USP34: variants seen among roughly 807,000 people sequenced by gnomAD.
USP34 encodes ubiquitin carboxyl-terminal hydrolase 34.
A neutral mutation model predicts 460.3 loss-of-function variants in USP34; 70 were observed. The ratio of observed to expected loss-of-function variants is 0.15; its 90% confidence interval spans 0.13 to 0.19. The LOEUF is 0.19. Ranked by LOEUF, USP34 falls within the 10% of genes least tolerant of loss-of-function variation. The probability of loss-of-function intolerance (pLI) is 1.00; values close to 1 mark genes in which losing one functional copy is unlikely to be tolerated. For missense variants in USP34, 3,985 were observed against 4,236.2 expected (o/e 0.94, Z 1.65); for synonymous variants, 1,647 against 1,405.3 (o/e 1.17, Z -3.85).
chr2:61,232,868 C>CCT lies in USP34; in HGVS notation c.7033-337_7033-336insAG, dbSNP rs1553354478. Among the ~76,000 whole-genome samples the CCT allele has an allele frequency of 1.3e-3, 152 of 120,412 alleles. 1 individual carries two copies. The highest frequency in any genetic ancestry group is 2.2e-3 in the Non-Finnish European group (131 of 58,244). The allele number at this position is 120,412 out of a possible 152,430, so 79.0% of individuals were successfully genotyped here. On this transcript the variant is annotated intron_variant, in intron 57 of 79. Transcript: ENST00000398571. ...TATATATATATATATATTCCCCCCC[C>CCT]CCTTTTTTTTTTTTTTTTTTGAGAC... is the stretch of plus-strand genomic sequence containing the variant.
intron 1 of USP34, among the ~76,000 whole-genome samples, chr2:61,469,225 T>C (rs1414600444): frequency 6.6e-6 from 1 of 152,038 alleles, no homozygotes. Context: ...AAAAAAGATA[T>C]TTAAAATCAC....
Position 61,204,492 on chromosome 2 carries a change from C to T in USP34, c.9259+5G>A. On this transcript the variant is annotated splice_donor_5th_base_variant and intron_variant, in intron 73 of 79. Transcript: ENST00000398571. The stretch of plus-strand genomic sequence containing the variant: ...ATTGAAGTACTGTGCTAGATAAATA[C>T]GTACTTGGTATATTACTGTGATGGT... The T allele has an allele frequency of 6.2e-7, 1 of 1,612,620 alleles. No individual in the cohort carries two copies. Among genetic ancestry groups the T allele is most frequent in the Non-Finnish European group, 8.5e-7 (1 of 1,178,714 alleles).
chr2:61,414,774 C>G (rs1694145937), intron 2 of USP34, among the ~76,000 whole-genome samples: 1 of 152,162 alleles, frequency 6.6e-6, no homozygotes, highest in Middle Eastern at 3.4e-3. Context: ...GTTTAAATAC[C>G]CTCTAGAGGT....
intron 72 of USP34, among the ~76,000 whole-genome samples, chr2:61,204,994 AC>A (rs1324120636): frequency 2.0e-5 from 3 of 152,064 alleles, no homozygotes; most frequent in African/African-American, 7.2e-5. Flanking sequence ...AGCTGAAACT[AC>A]CGGCATGCAC....
chr2:61,307,165 G>A (rs575640104), intron 27 of USP34, among the ~76,000 whole-genome samples: 1 of 152,194 alleles, frequency 6.6e-6, no homozygotes, highest in African/African-American at 2.4e-5. Context: ...GTCCTTTGTA[G>A]GGACATGGAT....
intron 32 of USP34, 55 bp from the exon 33 acceptor site, chr2:61,293,605 A>G (rs1689928504): frequency 2.3e-6 from 3 of 1,324,220 alleles, no homozygotes; most frequent in Non-Finnish European, 3.2e-6. Flanking sequence ...TAATGCAATA[A>G]TGCTTGTTGA....
intron 48 of USP34, among the ~76,000 whole-genome samples, chr2:61,254,723 A>C (rs1382119387): frequency 6.6e-6 from 1 of 152,206 alleles, no homozygotes; most frequent in Non-Finnish European, 1.5e-5. Flanking sequence ...TTGGAGGCTG[A>C]GGTGGGCGGA....
At chr2:61,194,753 C>T (rs565323479) in intron 75 of USP34, among the ~76,000 whole-genome samples, 3 of 152,254 alleles carry the variant, frequency 2.0e-5, no homozygotes, top group Admixed American at 6.5e-5. Flanking sequence ...GTCAGGAATT[C>T]GCAACCAGCC....
intron 14 of USP34, 104 bp downstream of exon 14, chr2:61,348,652 G>C (rs944176516): frequency 1.3e-5 from 19 of 1,463,666 alleles, no homozygotes; most frequent in Admixed American, 2.6e-5. Context: ...ACGTAAAGGA[G>C]AGGACAAGCC....
intron 1 of USP34, among the ~76,000 whole-genome samples, chr2:61,436,352 A>C (rs1022420087): frequency 1.3e-5 from 2 of 152,182 alleles, no homozygotes; most frequent in Non-Finnish European, 2.9e-5. Context: ...ACTAAAAGTG[A>C]AAGGACGGGA....
intron 1 of USP34, among the ~76,000 whole-genome samples, chr2:61,466,168 T>C (rs879281363): frequency 3.3e-5 from 5 of 152,170 alleles, no homozygotes; most frequent in Non-Finnish European, 7.3e-5. Context: ...CTCATGCCTA[T>C]AATCCCAGCA....
At chr2:61,327,026 C>G (rs1387556563) in intron 20 of USP34, among the ~76,000 whole-genome samples, 6 of 151,796 alleles carry the variant, frequency 4.0e-5, no homozygotes, top group Admixed American at 3.9e-4. Flanking sequence ...CCTCAGGTGA[C>G]CCACCCACCT....
chr2:61,223,009 A>G (rs372726264), intron 64 of USP34, 51 bp downstream of exon 64: 8 of 1,489,400 alleles, frequency 5.4e-6, no homozygotes, highest in Non-Finnish European at 7.4e-6. Flanking sequence ...ATTTCAGGGT[A>G]TTCTTTTTTA....
At chr2:61,405,646 GAAAC>G (rs1693849838) in intron 3 of USP34, 58 bp downstream of exon 3, 3 of 1,404,766 alleles carry the variant, frequency 2.1e-6, no homozygotes, top group African/African-American at 2.9e-5. Context: ...TTATCAGTAA[GAAAC>G]AGACTGCGAA....
At chr2:61,292,411 T>C (rs964982357) in intron 33 of USP34, among the ~76,000 whole-genome samples, 2 of 152,192 alleles carry the variant, frequency 1.3e-5, no homozygotes, top group Non-Finnish European at 2.9e-5. Context: ...ATATTGGCAA[T>C]AAAATGTTAC....
Position 61,375,768 on chromosome 2 carries a change from CAAAAAAAA to C in USP34, c.1076+2587_1076+2594del, listed in dbSNP as rs56304309. On this transcript the variant is annotated intron_variant, in intron 8 of 79. Transcript: ENST00000398571. ...TGGGTGACAGACCAAGACTCTGTCTCAAAAAAAAAAAAAAAAAAAAAAAAAAGTAGAAA... is the reference window on the plus strand; with the variant it reads ...TGGGTGACAGACCAAGACTCTGTCTCAAAAAAAAAAAAAAAAAAGTAGAAA... 5.2e-3 allele frequency among the ~76,000 whole-genome samples: 424 copies of C among 80,864 alleles called. 7 individuals are homozygous for C. Among genetic ancestry groups the C allele is most frequent in the African/African-American group, 0.011 (253 of 23,196 alleles). 53.0% of individuals were successfully genotyped at this position (80,864 alleles called of 152,430 possible).
chr2:61,417,719 C>T (rs1408300828), intron 2 of USP34, among the ~76,000 whole-genome samples: 15 of 130,718 alleles, frequency 1.1e-4, no homozygotes, highest in South Asian at 4.5e-4. Flanking sequence ...ATACTAAAAT[C>T]TTTTTTTTTT....
rs1558518193 is a variant in USP34, at chr2:61,301,364, T to G, written c.3908A>C (p.Lys1303Thr). 1.2e-6 allele frequency: 2 copies of G among 1,613,914 alleles called. No homozygotes were observed. The highest frequency in any genetic ancestry group is 8.5e-7 in the Non-Finnish European group (1 of 1,179,948). ...GTTTTATATATGTACCTGCATATCC[T>G]TAAAACCAAGCTCATGAAGTGCTTT... Reference protein sequence around the residue: ...DEKALHELGFKDMQMVFVSLG... With the variant: ...DEKALHELGFTDMQMVFVSLG... Residue 1303 changes from lysine (K) to threonine (T), a missense_variant, in exon 28 of 80, where the codon AAG becomes ACG. This residue lies in a region of USP34 where 1,114 missense variants were observed against 1,122.5 expected (regional missense o/e 0.99). Coordinates refer to ENST00000398571, the MANE Select transcript of USP34 (RefSeq NM_014709.4).
At chr2:61,298,207 C>T (rs1283660867) in intron 29 of USP34, among the ~76,000 whole-genome samples, 1 of 151,458 alleles carries the variant, frequency 6.6e-6, no homozygotes, top group African/African-American at 2.4e-5. Flanking sequence ...CTGTTATCAA[C>T]CTGCCAAAAA....
Sources: gnomAD v4.1 joint callset for allele counts (sites outside exome capture counted in the v4.1 genomes callset) on GRCh38, gnomAD v4.1.1 for gene constraint, gnomAD v4.1.1 regional missense constraint, MANE v1.5 for transcripts, NCBI Gene and HGNC (gene_info 2026-07-23, HGNC 2026-07-21) for gene names.